Variants in PCCA observed in about 807,000 individuals in gnomAD.
The protein encoded by PCCA is propionyl-CoA carboxylase alpha chain, mitochondrial.
In PCCA, 74 loss-of-function variants were observed where a neutral mutation model predicts 101.3. The observed-to-expected ratio is 0.73, with a 90% CI of 0.61 to 0.89. The LOEUF (loss-of-function observed/expected upper bound fraction) is 0.89, where lower values mean the gene tolerates loss of function less well. Among genes scored for constraint, PCCA ranks in the 40% least tolerant of loss-of-function variants. PCCA has a pLI of 0.00. For synonymous variants in PCCA, 294 were observed against 313.6 expected (o/e 0.94, Z 0.66); for missense variants, 891 against 907.0 (o/e 0.98, Z 0.23).
intron 7 of PCCA, among the ~76,000 whole-genome samples, chr13:100,234,275 A>G (rs2060653481): frequency 1.3e-5 from 2 of 152,218 alleles, no homozygotes; most frequent in Admixed American, 6.5e-5. Flanking sequence ...AACCACTAAC[A>G]TTCTTAAATG....
At chr13:100,237,446 G>C (rs897478248) in intron 8 of PCCA, 3 of 151,786 alleles carry the variant, frequency 2.0e-5, no homozygotes, top group African/African-American at 7.3e-5. Flanking sequence ...AAGCCTATCA[G>C]TACTTCATAG....
At chr13:100,352,333 A>G (rs2073364788) in intron 18 of PCCA, among the ~76,000 whole-genome samples, 1 of 152,064 alleles carries the variant, frequency 6.6e-6, no homozygotes, top group South Asian at 2.1e-4. Flanking sequence ...TATCAGACAG[A>G]CATTGTATTC....
intron 1 of PCCA, among the ~76,000 whole-genome samples, chr13:100,090,279 A>G (rs1342130446): frequency 6.6e-6 from 1 of 152,074 alleles, no homozygotes; most frequent in Admixed American, 6.6e-5. Context: ...AGTGGCACCT[A>G]TGTTTGTTTT....
intron 19 of PCCA, among the ~76,000 whole-genome samples, chr13:100,417,057 A>G (rs1273128423): frequency 6.6e-6 from 1 of 151,574 alleles, no homozygotes; most frequent in Non-Finnish European, 1.5e-5. Context: ...TGGGCAGGCT[A>G]GTCTCGAACT....
chr13:100,173,559 A>G (rs1486530801), intron 6 of PCCA, among the ~76,000 whole-genome samples: 3 of 152,196 alleles, frequency 2.0e-5, no homozygotes, highest in African/African-American at 7.2e-5. Flanking sequence ...TCAGGAAATT[A>G]CCTGGATAAG....
intron 19 of PCCA, among the ~76,000 whole-genome samples, chr13:100,405,892 G>A (rs781321469): frequency 3.4e-5 from 5 of 148,376 alleles, no homozygotes; most frequent in African/African-American, 7.4e-5. Flanking sequence ...TCAGCCTCCC[G>A]AGTAGCTGGA....
In PCCA at chr13:100,241,783, A is replaced by G. The variant is rs747896492; in HGVS notation, c.637+5905A>G. Reference sequence around the variant, plus strand: ...CCTGGCCTTATCTATTTATTCATCTATTGATGGACATTTGGGTTGTTTTTA... The same window carrying G: ...CCTGGCCTTATCTATTTATTCATCTGTTGATGGACATTTGGGTTGTTTTTA... On this transcript the variant is annotated intron_variant, in intron 8 of 23. Transcript: ENST00000376285. Among the ~76,000 whole-genome samples, 55 of 152,202 alleles carry G rather than the reference A, an allele frequency of 3.6e-4. 1 individual carries two copies. Among genetic ancestry groups the G allele is most frequent in the Admixed American group, 2.6e-3 (40 of 15,276 alleles).
At chr13:100,424,088 G>A (rs963820071) in intron 19 of PCCA, among the ~76,000 whole-genome samples, 2 of 152,112 alleles carry the variant, frequency 1.3e-5, no homozygotes, top group Admixed American at 1.3e-4. Flanking sequence ...TACTGAATAG[G>A]TACTGCCTTT....
Position 100,150,946 on chromosome 13 carries a change from T to G in PCCA, c.301-4033T>G. The G allele has an allele frequency of 5.2e-6, 8 of 1,525,240 alleles. No individual in the cohort carries two copies. The South Asian group carries it at 7.9e-5, about 15-fold the overall frequency. 94.5% of individuals were successfully genotyped at this position (1,525,240 alleles called of 1,614,324 possible). Reference sequence around the variant, plus strand: ...AACCTTGCTTGGCCTCGCAGCCCAGTCAGCGCGCTTTATCAGGCTGGGTGG... The same window carrying G: ...AACCTTGCTTGGCCTCGCAGCCCAGGCAGCGCGCTTTATCAGGCTGGGTGG... On this transcript the variant is annotated intron_variant, in intron 4 of 23. Transcript: ENST00000376285.
chr13:100,348,837 TTTTC>T (rs1168987691), intron 18 of PCCA, among the ~76,000 whole-genome samples: 54 of 149,052 alleles, frequency 3.6e-4, no homozygotes, highest in African/African-American at 5.4e-4. Flanking sequence ...TTCTCTCTCT[TTTTC>T]TCTTTCTCTC....
At chr13:100,208,031 CT>C (rs2058974286) in intron 6 of PCCA, among the ~76,000 whole-genome samples, 1 of 151,896 alleles carries the variant, frequency 6.6e-6, no homozygotes, top group Non-Finnish European at 1.5e-5. Context: ...AAGAAAAAAT[CT>C]GTGTTTCAGC....
intron 1 of PCCA, among the ~76,000 whole-genome samples, chr13:100,099,851 T>C (rs1195756291): frequency 6.6e-6 from 1 of 152,152 alleles, no homozygotes; most frequent in Non-Finnish European, 1.5e-5. Context: ...AGTACTATTA[T>C]TATCCCCAGT....
intron 21 of PCCA, chr13:100,489,991 G>A (rs550719263): frequency 1.2e-4 from 19 of 152,380 alleles, no homozygotes; most frequent in African/African-American, 4.3e-4. Flanking sequence ...AAATCAGTAA[G>A]TGTTATTAAA....
chr13:100,100,982 T>A (rs2047227612), intron 1 of PCCA, among the ~76,000 whole-genome samples: 1 of 152,090 alleles, frequency 6.6e-6, no homozygotes, highest in Non-Finnish European at 1.5e-5. Flanking sequence ...TTTGTATTTT[T>A]AGTAGAGATG....
chr13:100,115,669 ATGAT>A (rs926501551), intron 4 of PCCA, among the ~76,000 whole-genome samples: 2 of 152,196 alleles, frequency 1.3e-5, no homozygotes, highest in African/African-American at 4.8e-5. Context: ...CATATGGCGC[ATGAT>A]TGAATTCTGA....
chr13:100,440,578 C>G (rs2080299353), intron 20 of PCCA, among the ~76,000 whole-genome samples: 1 of 151,868 alleles, frequency 6.6e-6, no homozygotes, highest in South Asian at 2.1e-4. Flanking sequence ...AAGCGGCATA[C>G]ATTTTTGCCT....
chr13:100,304,973 G>T (rs1168193475), intron 14 of PCCA, among the ~76,000 whole-genome samples: 2 of 152,104 alleles, frequency 1.3e-5, no homozygotes, highest in Non-Finnish European at 2.9e-5. Flanking sequence ...GTTCTGCTCA[G>T]AAATTTGGTT....
intron 19 of PCCA, among the ~76,000 whole-genome samples, chr13:100,381,302 T>A (rs979371877): frequency 6.7e-6 from 1 of 149,042 alleles, no homozygotes; most frequent in African/African-American, 2.5e-5. Context: ...GGCAGGAGAA[T>A]GGCATGAACC....
chr13:100,291,959 A>G (rs1400273999), intron 12 of PCCA, among the ~76,000 whole-genome samples: 1 of 152,148 alleles, frequency 6.6e-6, no homozygotes, highest in African/African-American at 2.4e-5. Flanking sequence ...GCCTGTTCCC[A>G]GTTTTTGGCT....
Sources: allele counts gnomAD v4.1 joint callset (sites outside exome capture counted in the v4.1 genomes callset), GRCh38; gene constraint gnomAD v4.1.1; transcripts MANE v1.5; gene names NCBI Gene and HGNC (gene_info 2026-07-23, HGNC 2026-07-21).